HRH1: variants seen among roughly 807,000 people sequenced by gnomAD.
HRH1 encodes the protein histamine receptor H1.
In HRH1, 6 loss-of-function variants were observed where a neutral mutation model predicts 10.3. That is an observed-to-expected ratio of 0.58 (90% CI 0.32 to 1.15). The LOEUF (loss-of-function observed/expected upper bound fraction) is 1.15, where lower values mean the gene tolerates loss of function less well. HRH1 is among the 50% of genes most tolerant of loss of function. HRH1 has a pLI of 0.05. For missense variants in HRH1, 514 were observed against 615.3 expected (o/e 0.84, Z 1.74); for synonymous variants, 242 against 236.7 (o/e 1.02, Z -0.21).
In HRH1 at chr3:11,260,140, A is replaced by G. The variant is rs199528452; in HGVS notation, c.1103A>G (p.Glu368Gly). The change falls in exon 2 of 2, where the codon GAG becomes GGG. Residue 368 changes from glutamate (E) to glycine (G), a missense_variant. Transcript: ENST00000431010. ...CGAACGGACTCAGATACCACCACAGAGACAGCACCAGGCAAAGGCAAATTG... is the reference window on the plus strand; with the variant it reads ...CGAACGGACTCAGATACCACCACAGGGACAGCACCAGGCAAAGGCAAATTG... ...FSRTDSDTTTETAPGKGKLRS... is the reference protein window; with the variant it reads ...FSRTDSDTTTGTAPGKGKLRS... 1.7e-5 allele frequency: 27 copies of G among 1,614,040 alleles called. No individual in the cohort carries two copies. The South Asian group carries it at 2.6e-4, about 16-fold the overall frequency.
chr3:11,197,922 G>C (rs1409256162), intron 1 of HRH1, among the ~76,000 whole-genome samples: 1 of 152,136 alleles, frequency 6.6e-6, no homozygotes, highest in Non-Finnish European at 1.5e-5. Flanking sequence ...GTAATTGGAG[G>C]TGTGTCTCTC....
At chr3:11,157,706 G>A (rs1006456747) in intron 1 of HRH1, among the ~76,000 whole-genome samples, 1 of 152,190 alleles carries the variant, frequency 6.6e-6, no homozygotes, top group Non-Finnish European at 1.5e-5. Context: ...GGCCAGGATC[G>A]AAGCTGACAG....
intron 1 of HRH1, among the ~76,000 whole-genome samples, chr3:11,219,799 G>C (rs1158432145): frequency 6.6e-6 from 1 of 150,744 alleles, no homozygotes; most frequent in Non-Finnish European, 1.5e-5. Flanking sequence ...TGCAAGACAC[G>C]TCCATTCAGT....
At chr3:11,204,212 TGAACCA>T (rs1938035126) in intron 1 of HRH1, among the ~76,000 whole-genome samples, 2 of 152,184 alleles carry the variant, frequency 1.3e-5, no homozygotes, top group African/African-American at 4.8e-5. Flanking sequence ...TGATAAGCCC[TGAACCA>T]GGAGCTGGAG....
intron 1 of HRH1, among the ~76,000 whole-genome samples, chr3:11,232,808 T>C (rs1939077180): frequency 6.6e-6 from 1 of 152,232 alleles, no homozygotes; most frequent in Non-Finnish European, 1.5e-5. Flanking sequence ...CATCAGCATG[T>C]TTTAGTTTTC....
At chr3:11,175,995 CA>C (rs55803877) in intron 1 of HRH1, among the ~76,000 whole-genome samples, 7 of 149,204 alleles carry the variant, frequency 4.7e-5, no homozygotes, top group Admixed American at 3.3e-4. Flanking sequence ...CCTGTCTCTC[CA>C]AAAAAAAATA....
intron 1 of HRH1, among the ~76,000 whole-genome samples, chr3:11,144,369 G>A (rs200654826): frequency 0.019 from 204 of 10,666 alleles, 3 homozygotes; most frequent in African/African-American, 0.081. Flanking sequence ...GTGTGTGTGT[G>A]TATATATATG....
intron 1 of HRH1, among the ~76,000 whole-genome samples, chr3:11,172,233 C>T (rs1325405478): frequency 1.3e-5 from 2 of 152,228 alleles, no homozygotes; most frequent in South Asian, 2.1e-4. Flanking sequence ...ACTCTGCCAG[C>T]GGTGAGGGAG....
chr3:11,189,489 T>G (rs1021735059), intron 1 of HRH1, among the ~76,000 whole-genome samples: 1 of 152,210 alleles, frequency 6.6e-6, no homozygotes, highest in Non-Finnish European at 1.5e-5. Flanking sequence ...ATCCTTGGCA[T>G]CTGTGGATGT....
At chr3:11,189,654 G>A (rs541153388) in intron 1 of HRH1, among the ~76,000 whole-genome samples, 1 of 152,242 alleles carries the variant, frequency 6.6e-6, no homozygotes, top group African/African-American at 2.4e-5. Flanking sequence ...GCCACTGGCT[G>A]GGCGTGGTGG....
intron 1 of HRH1, among the ~76,000 whole-genome samples, chr3:11,173,146 G>A (rs1219656099): frequency 1.3e-5 from 2 of 152,162 alleles, no homozygotes; most frequent in Admixed American, 6.5e-5. Flanking sequence ...ACTTAGTAAA[G>A]GGTGGGGACT....
At chr3:11,254,799 C>A (rs555629529) in intron 1 of HRH1, among the ~76,000 whole-genome samples, 1 of 152,362 alleles carries the variant, frequency 6.6e-6, no homozygotes, top group East Asian at 1.9e-4. Context: ...GGCAAATTTA[C>A]TTCTGCAGAA....
At chr3:11,178,610 C>G (rs985395778) in intron 1 of HRH1, among the ~76,000 whole-genome samples, 1 of 152,180 alleles carries the variant, frequency 6.6e-6, no homozygotes, top group Non-Finnish European at 1.5e-5. Flanking sequence ...TTCCACCCCA[C>G]CCCCTGCGGC....
At chr3:11,255,735 AAGAGAC>A (rs1324461638) in intron 1 of HRH1, among the ~76,000 whole-genome samples, 6 of 152,200 alleles carry the variant, frequency 3.9e-5, no homozygotes, top group Admixed American at 2.6e-4. Context: ...TTAGGAAGAT[AAGAGAC>A]AGATGGTTGC....
At chr3:11,183,603 G>A (rs969072446) in intron 1 of HRH1, among the ~76,000 whole-genome samples, 1 of 152,180 alleles carries the variant, frequency 6.6e-6, no homozygotes, top group African/African-American at 2.4e-5. Flanking sequence ...GGGCCCTGCC[G>A]GGGCGGCGGC....
chr3:11,213,480 A>G (rs913861043), intron 1 of HRH1, among the ~76,000 whole-genome samples: 1 of 152,252 alleles, frequency 6.6e-6, no homozygotes, highest in African/African-American at 2.4e-5. Flanking sequence ...TTTATAAAGT[A>G]CAGAAACTCA....
chr3:11,177,536 G>C (rs923733855), intron 1 of HRH1, among the ~76,000 whole-genome samples: 2 of 152,052 alleles, frequency 1.3e-5, no homozygotes, highest in African/African-American at 4.8e-5. Flanking sequence ...TCCACTCTGG[G>C]CTTCTGCGCT....
At chr3:11,213,730 A>G (rs1938402863) in intron 1 of HRH1, among the ~76,000 whole-genome samples, 1 of 152,216 alleles carries the variant, frequency 6.6e-6, no homozygotes, top group African/African-American at 2.4e-5. Flanking sequence ...ATCACCTCCC[A>G]AAGCTCCAAC....
At chr3:11,165,645 G>A (rs1251031935) in intron 1 of HRH1, among the ~76,000 whole-genome samples, 3 of 152,180 alleles carry the variant, frequency 2.0e-5, no homozygotes, top group Non-Finnish European at 4.4e-5. Context: ...GAATCGTTAC[G>A]GTGATCTCAC....
Sources: allele counts gnomAD v4.1 joint callset (sites outside exome capture counted in the v4.1 genomes callset), GRCh38; gene constraint gnomAD v4.1.1; transcripts MANE v1.5; gene names NCBI Gene and HGNC (gene_info 2026-07-23, HGNC 2026-07-21).